The following DPP6 variants were observed in gnomAD, a reference collection of about 807,000 sequenced individuals.
The protein encoded by DPP6 is dipeptidyl peptidase like 6.
Under a neutral mutation model 122.6 loss-of-function variants are expected in DPP6, and 69 were observed. That is an observed-to-expected ratio of 0.56 (90% CI 0.46 to 0.69). DPP6 has a LOEUF of 0.69. DPP6 is among the 30% of genes least tolerant of loss of function. The pLI is 0.00. For missense variants in DPP6, 928 were observed against 1,116.9 expected (o/e 0.83, Z 2.41); for synonymous variants, 418 against 433.1 (o/e 0.97, Z 0.43).
At chr7:154,515,946 T>A (rs972237847) in intron 3 of DPP6, among the ~76,000 whole-genome samples, 1 of 152,142 alleles carries the variant, frequency 6.6e-6, no homozygotes, top group Non-Finnish European at 1.5e-5. Context: ...AGAACGAAAA[T>A]ACAATCTATT....
intron 8 of DPP6, among the ~76,000 whole-genome samples, chr7:154,735,017 C>A (rs1842509803): frequency 6.6e-6 from 1 of 152,200 alleles, no homozygotes; most frequent in Non-Finnish European, 1.5e-5. Context: ...TCAACTATTT[C>A]ATTTGCAATG....
intron 5 of DPP6, among the ~76,000 whole-genome samples, chr7:154,629,553 G>T (rs1330741511): frequency 6.6e-6 from 1 of 151,956 alleles, no homozygotes; most frequent in Non-Finnish European, 1.5e-5. Context: ...CCAGCCATGG[G>T]GTTCTTGATT....
rs556943714 is a variant in DPP6 at position 154,259,082 on chromosome 7, G to A, written c.244-187132G>A. On this transcript the variant is annotated intron_variant, in intron 1 of 25. Coordinates refer to ENST00000377770, the MANE Select transcript of DPP6 (RefSeq NM_130797.4). ...TGGATGCGTGTGGCCTGTCACACGCGGAGAACCCAGGCAGTGGCAGCTTGA... is the reference window on the plus strand; with the variant it reads ...TGGATGCGTGTGGCCTGTCACACGCAGAGAACCCAGGCAGTGGCAGCTTGA... 4.6e-5 allele frequency among the ~76,000 whole-genome samples: 7 copies of A among 152,288 alleles called. No homozygotes were observed. The South Asian group carries it at 1.2e-3, about 27-fold the overall frequency.
intron 5 of DPP6, among the ~76,000 whole-genome samples, chr7:154,613,639 A>AAAAAAAAAC: frequency 6.6e-6 from 1 of 150,438 alleles, no homozygotes; most frequent in African/African-American, 2.5e-5. Context: ...AAAAAAAAAA[A>AAAAAAAAAC]AAAAAAAAAA....
intron 1 of DPP6, among the ~76,000 whole-genome samples, chr7:154,430,301 T>C (rs1460998593): frequency 6.6e-6 from 1 of 152,208 alleles, no homozygotes; most frequent in East Asian, 1.9e-4. Flanking sequence ...TTACTTTAAC[T>C]TCTTGCATCA....
chr7:154,683,206 G>A (rs1161024154), intron 7 of DPP6, among the ~76,000 whole-genome samples: 1 of 152,096 alleles, frequency 6.6e-6, no homozygotes, highest in Non-Finnish European at 1.5e-5. Context: ...CGTACACTAT[G>A]CATGTTGGTG....
intron 1 of DPP6, among the ~76,000 whole-genome samples, chr7:154,179,271 T>G (rs1797960121): frequency 6.6e-6 from 1 of 152,150 alleles, no homozygotes; most frequent in Non-Finnish European, 1.5e-5. Context: ...GTGATATTTC[T>G]TGCACACCTG....
intron 4 of DPP6, among the ~76,000 whole-genome samples, chr7:154,566,248 T>A (rs1337260203): frequency 6.6e-6 from 1 of 152,186 alleles, no homozygotes; most frequent in Non-Finnish European, 1.5e-5. Flanking sequence ...AAAAGTTTGC[T>A]TTTTAACGCT....
At chr7:154,562,217 C>T (rs1319227798) in intron 4 of DPP6, among the ~76,000 whole-genome samples, 1 of 152,032 alleles carries the variant, frequency 6.6e-6, no homozygotes, top group Non-Finnish European at 1.5e-5. Context: ...CAAATTGAGT[C>T]CAACAATATA....
chr7:154,714,184 A>T (rs541560779), intron 7 of DPP6, among the ~76,000 whole-genome samples: 1 of 152,314 alleles, frequency 6.6e-6, no homozygotes, highest in Non-Finnish European at 1.5e-5. Flanking sequence ...GTGAGTTCCA[A>T]ACTTTCCCAC....
chr7:153,749,747 G>A, the DPP6 span, among the ~76,000 whole-genome samples: 2 of 152,140 alleles, frequency 1.3e-5, no homozygotes, highest in Non-Finnish European at 2.9e-5. The surrounding 1 kb of genome is among the most constrained non-coding windows in gnomAD (Gnocchi z 4.1). Context: ...CTGCCATTCC[G>A]CTTAGGTTGT....
chr7:154,036,714 G>C (rs1415295381), intron 1 of DPP6, among the ~76,000 whole-genome samples: 1 of 151,834 alleles, frequency 6.6e-6, no homozygotes, highest in Non-Finnish European at 1.5e-5. Context: ...TTTTCTTCTA[G>C]GAAGTGGGAT....
intron 1 of DPP6, among the ~76,000 whole-genome samples, chr7:154,294,384 T>C (rs927161175): frequency 3.9e-5 from 6 of 152,162 alleles, no homozygotes; most frequent in Admixed American, 3.3e-4. Context: ...CTTATACTTA[T>C]CTCCAGTTTT....
At chr7:153,894,202 A>G (rs1351583045) in intron 1 of DPP6, among the ~76,000 whole-genome samples, 1 of 152,228 alleles carries the variant, frequency 6.6e-6, no homozygotes, top group Non-Finnish European at 1.5e-5. Context: ...AGAATGACCC[A>G]ATTTGTATAA....
chr7:154,440,312 T>C (rs974299009), intron 1 of DPP6, among the ~76,000 whole-genome samples: 1 of 152,048 alleles, frequency 6.6e-6, no homozygotes, highest in African/African-American at 2.4e-5. Flanking sequence ...ATTCATACCT[T>C]GCGGCCATAT....
chr7:154,185,510 C>T (rs767604403), intron 1 of DPP6, among the ~76,000 whole-genome samples: 69 of 152,154 alleles, frequency 4.5e-4, no homozygotes, highest in Non-Finnish European at 8.4e-4. Flanking sequence ...TGATCCCTCA[C>T]ACTTGTAATG....
intron 1 of DPP6, among the ~76,000 whole-genome samples, chr7:154,045,605 G>T: frequency 6.6e-6 from 1 of 152,286 alleles, no homozygotes; most frequent in South Asian, 2.1e-4. Context: ...AATGCTACTT[G>T]GTGCTGCTAT....
At chr7:154,007,680 A>T (rs930675777) in intron 1 of DPP6, among the ~76,000 whole-genome samples, 4 of 152,140 alleles carry the variant, frequency 2.6e-5, no homozygotes, top group African/African-American at 9.7e-5. Context: ...AACGCTCCCT[A>T]CATCTCAATA....
chr7:154,451,880 G>A (rs1283340803), intron 2 of DPP6, among the ~76,000 whole-genome samples: 1 of 152,204 alleles, frequency 6.6e-6, no homozygotes, highest in East Asian at 1.9e-4. Context: ...GGTGTCCAAG[G>A]TTTAGGCCTC....
Sources: allele counts gnomAD v4.1 joint callset (sites outside exome capture counted in the v4.1 genomes callset), GRCh38; gene constraint gnomAD v4.1.1; non-coding constraint Gnocchi (gnomAD v3.1); transcripts MANE v1.5; gene names NCBI Gene and HGNC (gene_info 2026-07-23, HGNC 2026-07-21).